Variants in RORA observed in about 807,000 individuals in gnomAD.
RORA encodes nuclear receptor ROR-alpha.
RORA carries 7 observed loss-of-function variants against 69.5 expected under a neutral mutation model. That is an observed-to-expected ratio of 0.10 (90% CI 0.06 to 0.19). The LOEUF (loss-of-function observed/expected upper bound fraction) is 0.19, where lower values mean the gene tolerates loss of function less well. RORA is among the 10% of genes least tolerant of loss of function. The pLI, the probability that RORA is intolerant of heterozygous loss-of-function variation, is 1.00. For synonymous variants in RORA, 261 were observed against 240.8 expected, an observed-to-expected ratio of 1.08 and a Z score of -0.78; for missense variants, 457 against 663.0, an observed-to-expected ratio of 0.69 and a Z score of 3.41.
At chr15:60,992,233 A>G (rs563538047) in intron 1 of RORA, among the ~76,000 whole-genome samples, 4 of 152,166 alleles carry the variant, frequency 2.6e-5, no homozygotes, top group African/African-American at 9.7e-5. Context: ...AAGAGGAAAA[A>G]ATGGAAGACT....
chr15:61,068,949 C>T (rs1453466987), intron 1 of RORA, among the ~76,000 whole-genome samples: 1 of 152,226 alleles, frequency 6.6e-6, no homozygotes, highest in Non-Finnish European at 1.5e-5. Flanking sequence ...AATATAGAAA[C>T]TCTTAATATA....
chr15:60,842,502 C>A (rs539315463), intron 1 of RORA, among the ~76,000 whole-genome samples: 1 of 152,330 alleles, frequency 6.6e-6, no homozygotes, highest in Non-Finnish European at 1.5e-5. Flanking sequence ...CACAAGAGTC[C>A]TACATGAAGT....
chr15:60,973,427 C>T (rs1893783221), intron 1 of RORA, among the ~76,000 whole-genome samples: 1 of 152,222 alleles, frequency 6.6e-6, no homozygotes, highest in Non-Finnish European at 1.5e-5. Context: ...ACCCAGAGGG[C>T]TCTGTCTGAG....
chr15:61,010,937 C>T lies in RORA; in HGVS notation c.166+218116G>A, dbSNP rs950356625. Among the ~76,000 whole-genome samples the T allele has an allele frequency of 5.9e-5, 9 of 152,150 alleles. No individual in the cohort carries two copies. In the South Asian group the frequency reaches 1.2e-3, roughly 21 times the overall value. On this transcript the variant is annotated intron_variant, in intron 1 of 10. Transcript: ENST00000335670. ...TATTCCAAAACTCTCAGATTCCATG[C>T]ATATATATTGATTAAGCCAAGCACA...
chr15:60,685,584 A>C (rs1185386615), intron 1 of RORA, among the ~76,000 whole-genome samples: 2 of 152,226 alleles, frequency 1.3e-5, no homozygotes, highest in Non-Finnish European at 2.9e-5. Flanking sequence ...GGCCTCGCCA[A>C]ACAAAATGAT....
At chr15:61,025,263 C>T (rs762009765) in intron 1 of RORA, among the ~76,000 whole-genome samples, 11 of 152,214 alleles carry the variant, frequency 7.2e-5, no homozygotes, top group Middle Eastern at 6.3e-3. Flanking sequence ...TCCTAAAACA[C>T]GTCTCTGTCC....
chr15:61,109,649 A>C (rs984609333), intron 1 of RORA, among the ~76,000 whole-genome samples: 2 of 152,236 alleles, frequency 1.3e-5, no homozygotes, highest in African/African-American at 4.8e-5. Flanking sequence ...CCTAAAAAGA[A>C]ATCTAAGATG....
chr15:61,072,604 T>C (rs2078383323), intron 1 of RORA, among the ~76,000 whole-genome samples: 1 of 152,218 alleles, frequency 6.6e-6, no homozygotes, highest in South Asian at 2.1e-4. Flanking sequence ...AAGTTTTGTA[T>C]AAGTTGGTGT....
chr15:60,836,732 C>G (rs1368902299), intron 1 of RORA, among the ~76,000 whole-genome samples: 1 of 152,176 alleles, frequency 6.6e-6, no homozygotes, highest in African/African-American at 2.4e-5. Flanking sequence ...TGCAGGAAAG[C>G]TGAGAATCTC....
intron 1 of RORA, among the ~76,000 whole-genome samples, chr15:60,968,667 CT>C (rs5813056): frequency 0.014 from 2,075 of 145,486 alleles, 13 homozygotes; most frequent in African/African-American, 0.02. Flanking sequence ...CAACATAAAT[CT>C]TTTTTTTTTT....
At chr15:60,773,411 C>T (rs1009361409) in intron 1 of RORA, among the ~76,000 whole-genome samples, 14 of 152,138 alleles carry the variant, frequency 9.2e-5, no homozygotes, top group Admixed American at 9.2e-4. Context: ...GCTCTACATA[C>T]TTCAGTGTGT....
intron 2 of RORA, among the ~76,000 whole-genome samples, chr15:60,669,245 C>T (rs1479365324): frequency 2.0e-5 from 3 of 152,084 alleles, no homozygotes; most frequent in Admixed American, 6.6e-5. Flanking sequence ...ACCTTAACAC[C>T]GTGGAGTTAG....
At chr15:60,521,523 G>C (rs919337086) in intron 3 of RORA, among the ~76,000 whole-genome samples, 14 of 152,252 alleles carry the variant, frequency 9.2e-5, no homozygotes, top group Admixed American at 2.0e-4. Context: ...TTACAGGCGT[G>C]AGCCACCGTA....
chr15:60,832,853 C>T (rs534367558), intron 1 of RORA, among the ~76,000 whole-genome samples: 93 of 152,278 alleles, frequency 6.1e-4, no homozygotes, highest in African/African-American at 2.2e-3. Context: ...CTGTGTCTCC[C>T]GCCATCCAGC....
intron 2 of RORA, among the ~76,000 whole-genome samples, chr15:60,610,906 A>C (rs1005025412): frequency 6.6e-6 from 1 of 152,202 alleles, no homozygotes; most frequent in African/African-American, 2.4e-5. Flanking sequence ...TTCTGTTTTC[A>C]TGCAGATCAT....
intron 1 of RORA, among the ~76,000 whole-genome samples, chr15:61,112,777 G>A (rs2079018144): frequency 6.6e-6 from 1 of 152,204 alleles, no homozygotes; most frequent in Admixed American, 6.5e-5. Flanking sequence ...TTAAATAGGA[G>A]GTGAGAGTGC....
chr15:60,956,934 C>T (rs945825122), intron 1 of RORA, among the ~76,000 whole-genome samples: 11 of 152,164 alleles, frequency 7.2e-5, no homozygotes, highest in African/African-American at 2.2e-4. Flanking sequence ...AGCAAGTTTT[C>T]GAATCTTTCT....
chr15:61,096,951 T>G (rs192472397), intron 1 of RORA, among the ~76,000 whole-genome samples: 1 of 152,188 alleles, frequency 6.6e-6, no homozygotes, highest in Non-Finnish European at 1.5e-5. Context: ...GCATCGCCCA[T>G]GTAGAAGGCA....
chr15:60,519,678 C>CA (rs2066093405), intron 3 of RORA, among the ~76,000 whole-genome samples: 1 of 152,134 alleles, frequency 6.6e-6, no homozygotes, highest in Admixed American at 6.5e-5. Context: ...AGACATTTTA[C>CA]AAAAATCTCT....
Sources: allele counts gnomAD v4.1 joint callset (sites outside exome capture counted in the v4.1 genomes callset), GRCh38; gene constraint gnomAD v4.1.1; transcripts MANE v1.5; gene names NCBI Gene and HGNC (gene_info 2026-07-23, HGNC 2026-07-21).